The following RAB27B variants were observed in gnomAD, a reference collection of about 807,000 sequenced individuals.
RAB27B encodes the protein RAB27B, member RAS oncogene family.
RAB27B carries 15 observed loss-of-function variants against 24.6 expected under a neutral mutation model. The ratio of observed to expected loss-of-function variants is 0.61; its 90% CI spans 0.41 to 0.94. The LOEUF (loss-of-function observed/expected upper bound fraction) is 0.94. RAB27B is among the 40% of genes least tolerant of loss of function. The pLI is 0.00. For missense variants in RAB27B, 261 were observed against 266.8 expected, an observed-to-expected ratio of 0.98 and a Z score of 0.15; for synonymous variants, 105 against 92.5, an observed-to-expected ratio of 1.14 and a Z score of -0.78.
intron 2 of RAB27B, among the ~76,000 whole-genome samples, chr18:54,822,309 C>G (rs2145168933): frequency 6.6e-6 from 1 of 152,136 alleles, no homozygotes. Context: ...GGTTAAAAGG[C>G]CAGCAAGGAA....
chr18:54,783,260 C>T (rs879732838), intron 2 of RAB27B, among the ~76,000 whole-genome samples: 41 of 152,094 alleles, frequency 2.7e-4, no homozygotes, highest in Non-Finnish European at 5.4e-4. Context: ...AGCCATCATG[C>T]TTGGCCTCAT....
intron 2 of RAB27B, among the ~76,000 whole-genome samples, chr18:54,739,779 C>G (rs909924621): frequency 1.3e-5 from 2 of 152,072 alleles, no homozygotes; most frequent in Non-Finnish European, 2.9e-5. Context: ...ATCAGCATTT[C>G]GTATTCTTAA....
Position 54,778,494 on chromosome 18 carries a change from T to C in RAB27B, c.-20+60353T>C, listed in dbSNP as rs150429052. Reference sequence around the variant, plus strand: ...GCAGACAACTTTTGATGAAACCAACTAACACAGGCCTTTGAATCTCTTCGC... The same window carrying C: ...GCAGACAACTTTTGATGAAACCAACCAACACAGGCCTTTGAATCTCTTCGC... On this transcript the variant is annotated intron_variant, in intron 2 of 4. Coordinates refer to the RAB27B transcript ENST00000586570. 3.0e-3 allele frequency among the ~76,000 whole-genome samples: 462 copies of C among 152,320 alleles called. 6 individuals carry two copies. The highest frequency in any genetic ancestry group is 0.028 in the South Asian group (135 of 4,826).
Position 54,789,192 on chromosome 18 carries a change from C to T in RAB27B, c.-20+71051C>T, listed in dbSNP as rs572372680. 4.7e-4 allele frequency among the ~76,000 whole-genome samples: 71 copies of T among 152,236 alleles called. 1 individual carries two copies. The South Asian group carries it at 0.01, about 22-fold the overall frequency. ...TTCAGTTCTTATTGATGATCATATC[C>T]ATAGCATCCTTAAAATTATATTATG... On this transcript the variant is annotated intron_variant, in intron 2 of 4. Coordinates refer to the RAB27B transcript ENST00000586570.
chr18:54,730,688 C>G (rs1909702933), intron 2 of RAB27B, among the ~76,000 whole-genome samples: 1 of 152,038 alleles, frequency 6.6e-6, no homozygotes, highest in Admixed American at 6.6e-5. Context: ...CTCTCTCGCT[C>G]CCTCTCTTGC....
At chr18:54,888,350 C>T (rs1470426933) in intron 5 of RAB27B, among the ~76,000 whole-genome samples, 1 of 152,122 alleles carries the variant, frequency 6.6e-6, no homozygotes, top group Non-Finnish European at 1.5e-5. Context: ...GACATTAACT[C>T]ATTTTAACCC....
At chr18:54,822,044 T>A (rs1380712759) in intron 2 of RAB27B, among the ~76,000 whole-genome samples, 1 of 152,210 alleles carries the variant, frequency 6.6e-6, no homozygotes, top group African/African-American at 2.4e-5. Flanking sequence ...TGGGCTACCA[T>A]GCCCAGTCAA....
intron 1 of RAB27B, among the ~76,000 whole-genome samples, chr18:54,847,959 T>G (rs1398475951): frequency 1.3e-5 from 2 of 152,238 alleles, no homozygotes; most frequent in Non-Finnish European, 2.9e-5. Flanking sequence ...GACACTCCAG[T>G]GCAGCCACAT....
chr18:54,824,661 C>T (rs1029421646), upstream of RAB27B, among the ~76,000 whole-genome samples: 1 of 152,124 alleles, frequency 6.6e-6, no homozygotes, highest in Non-Finnish European at 1.5e-5. Flanking sequence ...AATCCATGAA[C>T]CAGACCTCAG....
At chr18:54,887,752 G>A (rs1206937464) in intron 4 of RAB27B, among the ~76,000 whole-genome samples, 1 of 151,982 alleles carries the variant, frequency 6.6e-6, no homozygotes, top group Non-Finnish European at 1.5e-5. Flanking sequence ...CTAAATGTTG[G>A]GTATTGATAC....
intron 2 of RAB27B, among the ~76,000 whole-genome samples, chr18:54,817,668 T>C (rs1435084648): frequency 6.6e-6 from 1 of 152,072 alleles, no homozygotes; most frequent in Non-Finnish European, 1.5e-5. Context: ...GAAGTAATCA[T>C]CTGATTAAGT....
intron 2 of RAB27B, among the ~76,000 whole-genome samples, chr18:54,748,360 C>A (rs969641632): frequency 3.9e-5 from 6 of 152,072 alleles, no homozygotes; most frequent in Non-Finnish European, 8.8e-5. Context: ...CACTTCTATG[C>A]CTTAACACAC....
Position 54,773,283 on chromosome 18 carries a change from A to G in RAB27B, c.-20+55142A>G, listed in dbSNP as rs559583990. ...ACAGGGATGCCCATTCTCTTCAAAG[A>G]TGCTCTTGATGTACCTTCTAAATGG... On this transcript the variant is annotated intron_variant, in intron 2 of 4. Coordinates refer to the RAB27B transcript ENST00000586570. Among the ~76,000 whole-genome samples the G allele has an allele frequency of 4.0e-3, 606 of 152,314 alleles. 8 individuals are homozygous for G. Among genetic ancestry groups the G allele is most frequent in the African/African-American group, 0.014 (567 of 41,570 alleles).
intron 2 of RAB27B, among the ~76,000 whole-genome samples, chr18:54,817,327 A>T (rs1029154677): frequency 2.0e-5 from 3 of 152,074 alleles, no homozygotes; most frequent in African/African-American, 7.2e-5. Flanking sequence ...CTTGGAGTAA[A>T]ACCCAAGGCT....
chr18:54,728,961 T>G (rs1046292018), intron 2 of RAB27B, among the ~76,000 whole-genome samples: 1 of 122,268 alleles, frequency 8.2e-6, no homozygotes, highest in African/African-American at 3.0e-5. Context: ...ATTCAGGAAT[T>G]TTTGTTTAAA....
intron 2 of RAB27B, among the ~76,000 whole-genome samples, chr18:54,759,449 A>G (rs750774563): frequency 3.3e-5 from 5 of 152,160 alleles, no homozygotes; most frequent in Non-Finnish European, 5.9e-5. Context: ...TGAGCTCTGT[A>G]GTATGCTGAA....
intron 2 of RAB27B, among the ~76,000 whole-genome samples, chr18:54,753,717 GAAGA>G (rs886311363): frequency 6.6e-6 from 1 of 152,162 alleles, no homozygotes; most frequent in Non-Finnish European, 1.5e-5. Context: ...ATGAACAACA[GAAGA>G]AATAAGAAAG....
At chr18:54,728,587 G>C (rs1243015014) in intron 2 of RAB27B, among the ~76,000 whole-genome samples, 1 of 151,942 alleles carries the variant, frequency 6.6e-6, no homozygotes, top group Non-Finnish European at 1.5e-5. Flanking sequence ...GTTAAAAGGG[G>C]GAACCAGCTG....
intron 2 of RAB27B, among the ~76,000 whole-genome samples, chr18:54,781,283 T>G (rs1598899812): frequency 6.6e-6 from 1 of 152,012 alleles, no homozygotes; most frequent in African/African-American, 2.4e-5. Context: ...CTTGGGTTCT[T>G]AGTGTCGGTT....
Sources: allele counts gnomAD v4.1 joint callset (sites outside exome capture counted in the v4.1 genomes callset), GRCh38; gene constraint gnomAD v4.1.1; transcripts MANE v1.5; gene names NCBI Gene and HGNC (gene_info 2026-07-23, HGNC 2026-07-21).